The following RBBP5 variants were observed in gnomAD, a reference collection of about 807,000 sequenced individuals.
RBBP5 encodes retinoblastoma-binding protein 5.
In RBBP5, 5 loss-of-function variants were observed where a neutral mutation model predicts 72.2. That is an observed-to-expected ratio of 0.07 (90% CI 0.04 to 0.15). The LOEUF (loss-of-function observed/expected upper bound fraction) is 0.15. RBBP5 is among the 10% of genes least tolerant of loss of function. The pLI is 1.00. For missense variants in RBBP5, 322 were observed against 652.2 expected, an observed-to-expected ratio of 0.49 and a Z score of 5.51; for synonymous variants, 209 against 237.2, an observed-to-expected ratio of 0.88 and a Z score of 1.09.
rs1655763693 is a variant in RBBP5, at chr1:205,100,179, A to G, written c.725T>C (p.Met242Thr). Residue 242 changes from methionine to threonine, a missense_variant, in exon 7 of 14, where the codon ATG (methionine) becomes ACG (threonine). Physicochemically the swap from Met to Thr is moderately conservative, Grantham distance 81. Around this residue, in one of 6 missense-constraint regions of RBBP5, gnomAD observed 161 missense variants for 327.8 expected, o/e 0.49. Transcript: ENST00000264515. ...TCGRDGEPEP[M>T]QKLQDLVNRT... ...ATTCACCAAATCCTGCAATTTCTGC[A>G]TAGGTTCAGGCTCTCCATCTCTTCC... The G allele has an allele frequency of 6.2e-7, 1 of 1,614,078 alleles. No homozygotes were observed. Among genetic ancestry groups the G allele is most frequent in the African/African-American group, 1.3e-5 (1 of 74,930 alleles).
In RBBP5 at chr1:205,095,070, G is replaced by A; in HGVS notation, c.1397-6C>T. 1.2e-6 allele frequency: 2 copies of A among 1,613,760 alleles called. No individual in the cohort carries two copies. The highest frequency in any genetic ancestry group is 1.7e-6 in the Non-Finnish European group (2 of 1,179,796). On this transcript the variant is annotated splice_polypyrimidine_tract_variant and splice_region_variant and intron_variant, in intron 12 of 13. Coordinates refer to ENST00000264515, the MANE Select transcript of RBBP5 (RefSeq NM_005057.4). ...ACCCAGTAGTGGATGGACTTCTGTA[G>A]GACAGACAGGCATGGAAAGGAATCC... is the stretch of plus-strand genomic sequence containing the variant.
intron 3 of RBBP5, among the ~76,000 whole-genome samples, chr1:205,110,435 T>C (rs972129798): frequency 2.0e-5 from 3 of 152,126 alleles, no homozygotes; most frequent in African/African-American, 7.2e-5. Flanking sequence ...CTTGGTAAAA[T>C]TTGTTCCCTA....
At chr1:205,121,145 C>T (rs1656721460) in intron 1 of RBBP5, among the ~76,000 whole-genome samples, 1 of 152,080 alleles carries the variant, frequency 6.6e-6, no homozygotes, top group African/African-American at 2.4e-5. Context: ...CCTAGAATAC[C>T]ATGCTAAATG....
chr1:205,104,543 T>TA lies in RBBP5; in HGVS notation c.359+484dup, dbSNP rs552499773. ...ATCTCAAAAAAATTAAAATTTAAAT[T>TA]AAAAAAAACGCATTCAGGGCCAGGC... On this transcript the variant is annotated intron_variant, in intron 4 of 13. Coordinates refer to ENST00000264515, the MANE Select transcript of RBBP5 (RefSeq NM_005057.4). Among the ~76,000 whole-genome samples the TA allele has an allele frequency of 6.6e-4, 94 of 142,488 alleles. 1 individual carries two copies. The highest frequency in any genetic ancestry group is 5.0e-3 in the East Asian group (23 of 4,600). 93.5% of individuals were successfully genotyped at this position (142,488 alleles called of 152,430 possible). A position where few individuals can be genotyped will look rare whatever the true frequency, so the allele number is the denominator to read the frequency against.
At chr1:205,090,731 T>C (rs1187333927) in intron 13 of RBBP5, among the ~76,000 whole-genome samples, 3 of 152,102 alleles carry the variant, frequency 2.0e-5, no homozygotes, top group South Asian at 2.1e-4. Context: ...CCAATCTAGG[T>C]TGGCCTAAGA....
chr1:205,107,051 T>C (rs899118192), intron 3 of RBBP5, among the ~76,000 whole-genome samples: 9 of 124,898 alleles, frequency 7.2e-5, no homozygotes, highest in Non-Finnish European at 1.7e-4. Flanking sequence ...TATGTGTGTA[T>C]ATGTATGTGT....
At chr1:205,097,470 A>G (rs915189846) in intron 10 of RBBP5, 75 bp from the exon 11 acceptor site, 41 of 1,358,964 alleles carry the variant, frequency 3.0e-5, no homozygotes, top group Middle Eastern at 3.6e-4. Context: ...CAAGGTTTTC[A>G]TAAGTTGAAA....
intron 6 of RBBP5, among the ~76,000 whole-genome samples, chr1:205,101,390 T>C (rs999850324): frequency 3.9e-5 from 6 of 152,186 alleles, no homozygotes; most frequent in African/African-American, 1.4e-4. Flanking sequence ...TTCTGTAAAG[T>C]AACCGCCTGA....
intron 10 of RBBP5, 91 bp downstream of exon 10, chr1:205,098,898 G>A (rs1176180526): frequency 1.6e-5 from 13 of 817,142 alleles, no homozygotes; most frequent in Admixed American, 6.0e-5. Flanking sequence ...TAGATGAAGT[G>A]CTGAAATAAA....
At chr1:205,119,300 G>A (rs1002895274) in intron 1 of RBBP5, among the ~76,000 whole-genome samples, 5 of 152,168 alleles carry the variant, frequency 3.3e-5, no homozygotes, top group Non-Finnish European at 5.9e-5. Flanking sequence ...GAGGGCTGAA[G>A]TAGGAGAATC....
Position 205,099,159 on chromosome 1 carries a change from C to T in RBBP5, c.979-53G>A. On this transcript the variant is annotated intron_variant, in intron 9 of 13. Transcript: ENST00000264515. The surrounding 1 kb of genome is among the most constrained non-coding windows in gnomAD (Gnocchi z 4.7). ...ATATGTGAAAGCAATAATCTGTAAT[C>T]TACACATTAATGATAAAATGAAAGA... 9.8e-7 allele frequency: 1 copy of T among 1,015,942 alleles called. No individual in the cohort carries two copies. Among genetic ancestry groups the T allele is most frequent in the Non-Finnish European group, 1.4e-6 (1 of 699,322 alleles). The allele number at this position is 1,015,942 out of a possible 1,614,324, so 62.9% of individuals were successfully genotyped here.
chr1:205,096,590 G>T, intron 12 of RBBP5, 92 bp downstream of exon 12: 1 of 1,199,108 alleles, frequency 8.3e-7, no homozygotes, highest in Non-Finnish European at 1.2e-6. Context: ...CCTCTAAGGT[G>T]AAATCGCTCA....
At position 205,099,838 on chromosome 1, in the gene RBBP5, A is replaced by C; in HGVS notation, c.907-26T>G. 5 of 1,613,674 alleles carry C rather than the reference A, an allele frequency of 3.1e-6. No individual in the cohort carries two copies. Among genetic ancestry groups the C allele is most frequent in the Non-Finnish European group, 4.2e-6 (5 of 1,179,644 alleles). The stretch of plus-strand genomic sequence containing the variant: ...CTAAATTTTAGTGAAGGAAAGAAAA[A>C]CAGGTTGTTAAGAACAGATTTTAGA... On this transcript the variant is annotated intron_variant, in intron 8 of 13. Coordinates refer to ENST00000264515, the MANE Select transcript of RBBP5 (RefSeq NM_005057.4). The surrounding 1 kb of genome is among the most constrained non-coding windows in gnomAD (Gnocchi z 4.7).
chr1:205,094,871 A>AG lies in RBBP5; in HGVS notation c.1588+1_1588+2insC. 6.2e-7 allele frequency: 1 copy of AG among 1,612,998 alleles called. No homozygotes were observed. Among genetic ancestry groups the AG allele is most frequent in the East Asian group, 2.2e-5 (1 of 44,854 alleles). ...CAGACAATGCTCCCAATGTGTCCTT[A>AG]CCTGTCAAGGGCTGGCTGAGTTCCG... On this transcript the variant is annotated splice_donor_variant, in intron 13 of 13. Coordinates refer to ENST00000264515, the MANE Select transcript of RBBP5 (RefSeq NM_005057.4). LOFTEE classifies it high-confidence loss of function.
In RBBP5 at chr1:205,088,274, A is replaced by G. The variant is rs1655206395; in HGVS notation, c.*513T>C. 1 of 152,960 alleles carries G rather than the reference A, an allele frequency of 6.5e-6. No individual in the cohort carries two copies. Among genetic ancestry groups the G allele is most frequent in the South Asian group, 2.1e-4 (1 of 4,876 alleles). 9.5% of individuals were successfully genotyped at this position (152,960 alleles called of 1,614,324 possible). ...ACTTTCTTTTCTGCCCATCCTTTGC[A>G]CACAATATGGAAATATAGGAGGTAT... On this transcript the variant is annotated 3_prime_UTR_variant, in exon 14 of 14. Coordinates refer to ENST00000264515, the MANE Select transcript of RBBP5 (RefSeq NM_005057.4).
intron 13 of RBBP5, among the ~76,000 whole-genome samples, chr1:205,092,848 C>G (rs1014227343): frequency 2.0e-5 from 3 of 152,218 alleles, no homozygotes; most frequent in African/African-American, 7.2e-5. Context: ...TCCCAAAGTG[C>G]TAGAATTACA....
chr1:205,094,802 T>G, intron 13 of RBBP5, 71 bp downstream of exon 13: 1 of 1,421,484 alleles, frequency 7.0e-7, no homozygotes, highest in Non-Finnish European at 9.4e-7. Flanking sequence ...ATGTTGCAGT[T>G]AAATGAAGTC....
In RBBP5 at chr1:205,088,530, A is replaced by C; in HGVS notation, c.*257T>G. On this transcript the variant is annotated 3_prime_UTR_variant, in exon 14 of 14. Transcript: ENST00000264515. ...CTAAGCATCAAAGTTTAAATGAGTC[A>C]AAATTCCTATCTGATGTCTTCACAA... The C allele has an allele frequency of 2.1e-6, 1 of 465,160 alleles. No homozygotes were observed. The highest frequency in any genetic ancestry group is 4.0e-5 in the East Asian group (1 of 25,048). The allele number at this position is 465,160 out of a possible 1,614,324, so 28.8% of individuals were successfully genotyped here. A position where few individuals can be genotyped will look rare whatever the true frequency, so the allele number is the denominator to read the frequency against.
chr1:205,108,917 A>G (rs756409094), intron 3 of RBBP5, among the ~76,000 whole-genome samples: 3 of 152,216 alleles, frequency 2.0e-5, no homozygotes, highest in South Asian at 2.1e-4. Flanking sequence ...CATAATAAGT[A>G]CTCAATGCCT....
Sources: gnomAD v4.1 joint callset for allele counts (sites outside exome capture counted in the v4.1 genomes callset) on GRCh38, gnomAD v4.1.1 for gene constraint, gnomAD v4.1.1 regional missense constraint, Gnocchi (gnomAD v3.1) non-coding constraint, MANE v1.5 for transcripts, NCBI Gene and HGNC (gene_info 2026-07-23, HGNC 2026-07-21) for gene names.